The following ZFHX3 variants were observed in gnomAD, a reference collection of about 807,000 sequenced individuals.
ZFHX3 encodes the protein zinc finger homeobox 3.
Under a neutral mutation model 279.1 loss-of-function variants are expected in ZFHX3, and 42 were observed. The ratio of observed to expected loss-of-function variants is 0.15; its 90% CI spans 0.12 to 0.19. The LOEUF is 0.19. Ranked by LOEUF, ZFHX3 falls within the 10% of genes least tolerant of loss-of-function variation. The pLI is 1.00. For missense variants in ZFHX3, 4,981 were observed against 4,754.0 expected, an observed-to-expected ratio of 1.05 and a Z score of -1.40; for synonymous variants, 2,293 against 1,957.8, an observed-to-expected ratio of 1.17 and a Z score of -4.52.
intron 2 of ZFHX3, among the ~76,000 whole-genome samples, chr16:73,544,749 G>T (rs745690208): frequency 3.9e-5 from 6 of 152,050 alleles, no homozygotes; most frequent in South Asian, 2.1e-4. Flanking sequence ...GCCAGGTAAA[G>T]GTGTGGGAGA....
rs1482720639 is a variant in ZFHX3 at position 72,960,466 on chromosome 16, G to A, written c.-49-272C>T. Among the ~76,000 whole-genome samples the A allele has an allele frequency of 2.0e-5, 3 of 152,160 alleles. No individual in the cohort carries two copies. The East Asian group carries it at 5.8e-4, about 29-fold the overall frequency. ...CCCTCTTCGGCTTCGAATTGTCACC[G>A]CTCTGCCCCTGAAGACTAGCGGGAA... On this transcript the variant is annotated intron_variant, in intron 1 of 9. Transcript: ENST00000268489.
chr16:72,895,848 T>C (rs146226298), intron 3 of ZFHX3, among the ~76,000 whole-genome samples: 70 of 152,060 alleles, frequency 4.6e-4, no homozygotes, highest in African/African-American at 1.6e-3. Context: ...ACAGACTACA[T>C]AGATAAACAG....
chr16:72,814,192 G>A (rs1414806953), intron 5 of ZFHX3, among the ~76,000 whole-genome samples: 1 of 152,166 alleles, frequency 6.6e-6, no homozygotes, highest in Non-Finnish European at 1.5e-5. Context: ...GGAAAAAGCT[G>A]CTATCTGCTC....
chr16:73,807,151 G>A (rs1245406783), intron 1 of ZFHX3, among the ~76,000 whole-genome samples: 4 of 152,176 alleles, frequency 2.6e-5, no homozygotes, highest in East Asian at 3.8e-4. Flanking sequence ...AGCAGGGACC[G>A]CTGGCATTTC....
rs746446729 is a variant in ZFHX3, at chr16:72,797,756, G to A, written c.4926C>T (p.Ser1642=). ...ASGSSNGTGN[S]SSISLSSSTP... ...TGGAGGAGCTCAAGGAAATACTGCTGCTGTTCCCAGTCCCATTGCTGCTGC... is the reference window on the plus strand; with the variant it reads ...TGGAGGAGCTCAAGGAAATACTGCTACTGTTCCCAGTCCCATTGCTGCTGC... Residue 1642 remains serine, a synonymous_variant, in exon 9 of 10, where the codon AGC becomes AGT. Coordinates refer to ENST00000268489, the MANE Select transcript of ZFHX3 (RefSeq NM_006885.4). 6.2e-7 allele frequency: 1 copy of A among 1,614,142 alleles called. No individual in the cohort carries two copies. Among genetic ancestry groups the A allele is most frequent in the South Asian group, 1.1e-5 (1 of 91,080 alleles).
chr16:73,801,381 G>A (rs1350537376), intron 1 of ZFHX3, among the ~76,000 whole-genome samples: 2 of 152,152 alleles, frequency 1.3e-5, no homozygotes, highest in East Asian at 1.9e-4. Flanking sequence ...CCTTAGGTAG[G>A]AGGTGGGTTA....
At position 72,795,105 on chromosome 16, in the gene ZFHX3, TGAG is replaced by T. The variant is rs1304517616; in HGVS notation, c.7574_7576del (p.Pro2525del). 6.2e-7 allele frequency: 1 copy of T among 1,613,518 alleles called. No individual in the cohort carries two copies. Among genetic ancestry groups the T allele is most frequent in the African/African-American group, 1.3e-5 (1 of 74,780 alleles). ...CTGGTCACACTGGTAGGGGATTAGC[TGAG>T]GAGGTAGGTTTGCGAGCTGTTGAGG... On this transcript the variant is annotated inframe_deletion, in exon 9 of 10. Coordinates refer to ENST00000268489, the MANE Select transcript of ZFHX3 (RefSeq NM_006885.4).
At chr16:72,937,416 A>G (rs1960182130) in intron 3 of ZFHX3, among the ~76,000 whole-genome samples, 2 of 152,236 alleles carry the variant, frequency 1.3e-5, no homozygotes, top group South Asian at 4.1e-4. Context: ...GCGAATTAGG[A>G]CACAGCCGAC....
chr16:73,754,884 G>C (rs1334506225), intron 1 of ZFHX3, among the ~76,000 whole-genome samples: 1 of 152,114 alleles, frequency 6.6e-6, no homozygotes, highest in Admixed American at 6.5e-5. Context: ...CGATTTCTCA[G>C]AACCCCAGTT....
At chr16:73,642,220 T>C (rs1183599316) in intron 2 of ZFHX3, among the ~76,000 whole-genome samples, 2 of 152,182 alleles carry the variant, frequency 1.3e-5, no homozygotes, top group African/African-American at 4.8e-5. Context: ...ATTAGACGAT[T>C]CCTACTCTAC....
At chr16:73,615,739 A>G (rs2143892439) in intron 2 of ZFHX3, among the ~76,000 whole-genome samples, 1 of 152,314 alleles carries the variant, frequency 6.6e-6, no homozygotes, top group Non-Finnish European at 1.5e-5. Context: ...GCTGGGGCTG[A>G]GCACACGAAG....
At chr16:73,568,796 T>C (rs751527031) in intron 2 of ZFHX3, among the ~76,000 whole-genome samples, 4 of 152,116 alleles carry the variant, frequency 2.6e-5, no homozygotes, top group Non-Finnish European at 5.9e-5. Context: ...TGGTGAAATC[T>C]ATCAAAGGAA....
intron 4 of ZFHX3, among the ~76,000 whole-genome samples, chr16:72,853,332 C>T (rs548401753): frequency 2.6e-5 from 4 of 152,366 alleles, no homozygotes; most frequent in Admixed American, 2.6e-4. Context: ...AGCTATAAAT[C>T]TGTGAAGACT....
intron 5 of ZFHX3, among the ~76,000 whole-genome samples, chr16:73,216,824 C>G (rs997248273): frequency 1.3e-5 from 2 of 151,964 alleles, no homozygotes; most frequent in African/African-American, 4.8e-5. Context: ...AAAAAAGTAA[C>G]TAGGACTCTG....
intron 3 of ZFHX3, among the ~76,000 whole-genome samples, chr16:72,902,016 C>A (rs531105366): frequency 1.3e-5 from 2 of 152,316 alleles, no homozygotes; most frequent in South Asian, 2.1e-4. Context: ...GCAAGCGCAG[C>A]CAGCAAACTC....
intron 5 of ZFHX3, among the ~76,000 whole-genome samples, chr16:73,188,560 A>G (rs1326530297): frequency 3.3e-5 from 5 of 152,226 alleles, no homozygotes; most frequent in African/African-American, 1.2e-4. Context: ...AAAGAGAGAA[A>G]TAGTTTTTTC....
chr16:72,854,459 A>C (rs1428979920), intron 4 of ZFHX3, among the ~76,000 whole-genome samples: 1 of 152,134 alleles, frequency 6.6e-6, no homozygotes, highest in Non-Finnish European at 1.5e-5. Context: ...AAGAATGGGG[A>C]AACTCCCTCT....
At chr16:73,325,338 TA>T (rs1050275766) in intron 3 of ZFHX3, among the ~76,000 whole-genome samples, 3 of 152,194 alleles carry the variant, frequency 2.0e-5, no homozygotes, top group African/African-American at 7.2e-5. Flanking sequence ...TAAGATTGCC[TA>T]AAAATGGTGT....
chr16:73,882,748 C>A (rs2142414487), intron 1 of ZFHX3, among the ~76,000 whole-genome samples: 1 of 151,932 alleles, frequency 6.6e-6, no homozygotes, highest in East Asian at 1.9e-4. Context: ...ATGGACAGAC[C>A]TTTTTTTTAA....
Sources: allele counts gnomAD v4.1 joint callset (sites outside exome capture counted in the v4.1 genomes callset), GRCh38; gene constraint gnomAD v4.1.1; transcripts MANE v1.5; gene names NCBI Gene and HGNC (gene_info 2026-07-23, HGNC 2026-07-21).